Variants in IKZF1 observed in about 807,000 individuals in gnomAD.
The protein encoded by IKZF1 is IKAROS family zinc finger 1.
Under a neutral mutation model 51.7 loss-of-function variants are expected in IKZF1, and 10 were observed. The observed-to-expected ratio is 0.19, with a 90% CI of 0.12 to 0.33. The LOEUF (loss-of-function observed/expected upper bound fraction) is 0.33. IKZF1 is among the 10% of genes least tolerant of loss of function. The pLI, the probability that IKZF1 is intolerant of heterozygous loss-of-function variation, is 1.00. For missense variants in IKZF1, 484 were observed against 707.5 expected (o/e 0.68, Z 3.58); for synonymous variants, 280 against 282.3 (o/e 0.99, Z 0.08).
At chr7:50,345,833 T>C (rs1226779611) in intron 3 of IKZF1, among the ~76,000 whole-genome samples, 1 of 152,004 alleles carries the variant, frequency 6.6e-6, no homozygotes, top group Non-Finnish European at 1.5e-5. Flanking sequence ...AGGTCAGGAG[T>C]TCGAGACTAG....
At chr7:50,354,257 T>A (rs1802638764) in intron 3 of IKZF1, among the ~76,000 whole-genome samples, 1 of 152,082 alleles carries the variant, frequency 6.6e-6, no homozygotes, top group African/African-American at 2.4e-5. Context: ...AGGATGAAAA[T>A]GGAAAACCAG....
chr7:50,387,833 A>C (rs1044594189), intron 6 of IKZF1, among the ~76,000 whole-genome samples: 2 of 152,272 alleles, frequency 1.3e-5, no homozygotes, highest in African/African-American at 4.8e-5. Flanking sequence ...TGTAAACAAA[A>C]TAAAATGTAA....
Position 50,400,598 on chromosome 7 carries a change from C to G in IKZF1, c.1531C>G (p.Arg511Gly), listed in dbSNP as rs770050009. ...DRYEFSSHITRGEHRFHMS is the reference protein window; with the variant it reads ...DRYEFSSHITGGEHRFHMS ...GTACGAGTTCTCGTCGCACATAACGCGAGGGGAGCACCGCTTCCACATGAG... is the reference window on the plus strand; with the variant it reads ...GTACGAGTTCTCGTCGCACATAACGGGAGGGGAGCACCGCTTCCACATGAG... The change falls in exon 8 of 8, where the codon CGA becomes GGA. Residue 511 changes from arginine (R) to glycine (G), a missense_variant. Physicochemically the swap from Arg to Gly is moderately radical, Grantham distance 125. Transcript: ENST00000331340. The surrounding 1 kb of genome is among the most constrained non-coding windows in gnomAD (Gnocchi z 5.4). The G allele has an allele frequency of 6.2e-7, 1 of 1,611,820 alleles. No homozygotes were observed. The highest frequency in any genetic ancestry group is 1.3e-5 in the African/African-American group (1 of 74,914).
intron 1 of IKZF1, among the ~76,000 whole-genome samples, chr7:50,311,583 G>C (rs1342079171): frequency 6.6e-6 from 1 of 152,150 alleles, no homozygotes; most frequent in Non-Finnish European, 1.5e-5. Context: ...ATAAAATATA[G>C]CTTTTGCCAA....
At chr7:50,386,997 C>T (rs2153487048) in intron 5 of IKZF1, among the ~76,000 whole-genome samples, 1 of 152,306 alleles carries the variant, frequency 6.6e-6, no homozygotes, top group African/African-American at 2.4e-5. Flanking sequence ...ATGGGCCTTC[C>T]TCACATCTCT....
intron 3 of IKZF1, among the ~76,000 whole-genome samples, chr7:50,343,982 C>T (rs982812021): frequency 1.3e-5 from 2 of 152,114 alleles, no homozygotes; most frequent in Admixed American, 6.6e-5. Flanking sequence ...ATTGTGAAGT[C>T]GTGAGAATTG....
chr7:50,363,480 G>T (rs1388062426), intron 3 of IKZF1, among the ~76,000 whole-genome samples: 3 of 152,024 alleles, frequency 2.0e-5, no homozygotes, highest in African/African-American at 7.3e-5. Flanking sequence ...AGCCACTGAG[G>T]AGTTACCCAG....
chr7:50,359,806 C>T lies in IKZF1; in HGVS notation c.161-16727C>T, dbSNP rs115766344. Among the ~76,000 whole-genome samples, 1,450 of 152,304 alleles carry T rather than the reference C, an allele frequency of 9.5e-3. 19 individuals are homozygous for T. Among genetic ancestry groups the T allele is most frequent in the African/African-American group, 0.032 (1,333 of 41,572 alleles). The stretch of plus-strand genomic sequence containing the variant: ...TATGCCAGATTGCCTGCACTCTGAT[C>T]TTTACCATCACCAGACTCTCAGCTT... On this transcript the variant is annotated intron_variant, in intron 3 of 7. Transcript: ENST00000331340.
At chr7:50,357,304 G>T (rs1310610878) in intron 3 of IKZF1, among the ~76,000 whole-genome samples, 2 of 151,920 alleles carry the variant, frequency 1.3e-5, no homozygotes, top group African/African-American at 4.8e-5. Flanking sequence ...TGCATCCTGG[G>T]CATGACTGTC....
intron 1 of IKZF1, among the ~76,000 whole-genome samples, chr7:50,313,436 G>C (rs1790675978): frequency 6.6e-6 from 1 of 152,238 alleles, no homozygotes; most frequent in Non-Finnish European, 1.5e-5. Flanking sequence ...GAACTTTACT[G>C]TAGAAGTTTT....
At position 50,382,661 on chromosome 7, in the gene IKZF1, C is replaced by T. The variant is rs760613356; in HGVS notation, c.543C>T (p.Ala181=). 6.2e-7 allele frequency: 1 copy of T among 1,612,434 alleles called. No individual in the cohort carries two copies. The highest frequency in any genetic ancestry group is 1.1e-5 in the South Asian group (1 of 91,054). The change falls in exon 5 of 8, where the codon GCC becomes GCT. Residue 181 remains alanine, a synonymous_variant. Coordinates refer to ENST00000331340, the MANE Select transcript of IKZF1 (RefSeq NM_006060.6). The part of the protein sequence containing the change: ...KPFKCHLCNY[A]CRRRDALTGH... ...TCAAATGCCACCTCTGCAACTACGCCTGCCGCCGGAGGGACGCCCTCACTG... is the reference window on the plus strand; with the variant it reads ...TCAAATGCCACCTCTGCAACTACGCTTGCCGCCGGAGGGACGCCCTCACTG...
intron 3 of IKZF1, among the ~76,000 whole-genome samples, chr7:50,374,613 G>C (rs953513926): frequency 6.6e-6 from 1 of 152,210 alleles, no homozygotes; most frequent in African/African-American, 2.4e-5. Flanking sequence ...GTGTGGTATT[G>C]GGGTTAGGTG....
At chr7:50,331,363 C>T (rs1584534878) in intron 3 of IKZF1, among the ~76,000 whole-genome samples, 1 of 151,450 alleles carries the variant, frequency 6.6e-6, no homozygotes, top group South Asian at 2.1e-4. Context: ...GGGTGCTGGC[C>T]GCCACCTGAC....
At chr7:50,310,690 G>A (rs575210737) in intron 1 of IKZF1, among the ~76,000 whole-genome samples, 9 of 152,178 alleles carry the variant, frequency 5.9e-5, no homozygotes, top group Admixed American at 2.0e-4. Flanking sequence ...GACAGCCAGC[G>A]CTGAGCTCCC....
At chr7:50,326,532 G>C (rs78871112) in intron 2 of IKZF1, among the ~76,000 whole-genome samples, 8,099 of 152,316 alleles carry the variant, frequency 0.053, 360 homozygotes, top group African/African-American at 0.12. Context: ...GTGGAGAAAA[G>C]AGCATTTCCT....
chr7:50,398,287 C>A (rs1234236384), intron 7 of IKZF1, among the ~76,000 whole-genome samples: 1 of 152,188 alleles, frequency 6.6e-6, no homozygotes, highest in East Asian at 1.9e-4. Flanking sequence ...TCAAACCTTT[C>A]AGTGGTTTCC....
At chr7:50,346,491 T>C (rs531750048) in intron 3 of IKZF1, among the ~76,000 whole-genome samples, 1 of 152,356 alleles carries the variant, frequency 6.6e-6, no homozygotes, top group African/African-American at 2.4e-5. Flanking sequence ...CCCGTTCTCC[T>C]GGCTAAAGTG....
chr7:50,375,946 G>C (rs1315391255), intron 3 of IKZF1, among the ~76,000 whole-genome samples: 1 of 152,192 alleles, frequency 6.6e-6, no homozygotes, highest in East Asian at 1.9e-4. Context: ...AATCTGAAAG[G>C]GAACTGTGGT....
chr7:50,306,405 G>A (rs1030992744), intron 1 of IKZF1, among the ~76,000 whole-genome samples: 3 of 152,130 alleles, frequency 2.0e-5, no homozygotes, highest in South Asian at 2.1e-4. Flanking sequence ...TTTGTTTCAC[G>A]GTGAGAGTTG....
Sources: gnomAD v4.1 joint callset for allele counts (sites outside exome capture counted in the v4.1 genomes callset) on GRCh38, gnomAD v4.1.1 for gene constraint, Gnocchi (gnomAD v3.1) non-coding constraint, MANE v1.5 for transcripts, NCBI Gene and HGNC (gene_info 2026-07-23, HGNC 2026-07-21) for gene names.